TUT7: variants seen among roughly 807,000 people sequenced by gnomAD.
TUT7 encodes terminal uridylyltransferase 7.
In TUT7, 33 loss-of-function variants were observed where a neutral mutation model predicts 165.9. That is an observed-to-expected ratio of 0.20 (90% confidence interval 0.15 to 0.27). The LOEUF is 0.27. TUT7 is among the 10% of genes least tolerant of loss of function. The pLI is 1.00. For synonymous variants in TUT7, 552 were observed against 608.1 expected, an observed-to-expected ratio of 0.91 and a Z score of 1.36; for missense variants, 1,338 against 1,762.3, an observed-to-expected ratio of 0.76 and a Z score of 4.31.
At chr9:86,320,642 C>T (rs1829187774) in intron 14 of TUT7, among the ~76,000 whole-genome samples, 1 of 152,104 alleles carries the variant, frequency 6.6e-6, no homozygotes, top group Non-Finnish European at 1.5e-5. Flanking sequence ...TTATTAACTG[C>T]CATCTAGAAA....
intron 26 of TUT7, among the ~76,000 whole-genome samples, chr9:86,293,013 CAT>C: frequency 1.3e-5 from 2 of 152,162 alleles, no homozygotes; most frequent in Middle Eastern, 6.8e-3. Flanking sequence ...AGAAATAACA[CAT>C]GAATGAATTT....
Position 86,325,404 on chromosome 9 carries a change from T to A in TUT7, c.1719A>T (p.Ile573=). Residue 573 remains isoleucine, a synonymous_variant, in exon 12 of 27, where the codon ATA becomes ATT. Transcript: ENST00000375963. ...ATACCAATTCTTTGACACGAATACT[T>A]ATCACTAAATCAGCCAAATTAAATT... ...ALEFNLADLV[I]SIRVKELVSR... 1 of 1,614,092 alleles carries A rather than the reference T, an allele frequency of 6.2e-7. No individual in the cohort carries two copies. The highest frequency in any genetic ancestry group is 8.5e-7 in the Non-Finnish European group (1 of 1,179,998).
At chr9:86,346,160 T>C in intron 3 of TUT7, 139 bp downstream of exon 3, 2 of 735,944 alleles carry the variant, frequency 2.7e-6, no homozygotes, top group South Asian at 4.0e-5. Flanking sequence ...ACACTGGACA[T>C]CACTTTTAAC....
chr9:86,297,890 C>T (rs1826484420), intron 26 of TUT7, among the ~76,000 whole-genome samples: 1 of 150,614 alleles, frequency 6.6e-6, no homozygotes, highest in South Asian at 2.1e-4. Context: ...GACTTCACCT[C>T]TACCACTCAC....
intron 14 of TUT7, among the ~76,000 whole-genome samples, chr9:86,320,067 G>C (rs700763): frequency 6.6e-6 from 1 of 151,792 alleles, no homozygotes; most frequent in African/African-American, 2.4e-5. Flanking sequence ...CTCTTGAAAC[G>C]GAAAGTAATT....
At chr9:86,326,671 T>C (rs1829821769) in intron 11 of TUT7, among the ~76,000 whole-genome samples, 1 of 152,162 alleles carries the variant, frequency 6.6e-6, no homozygotes, top group Non-Finnish European at 1.5e-5. Flanking sequence ...CTAGTTCAAC[T>C]CCTGTATATT....
At chr9:86,300,738 T>C (rs1826806020) in intron 26 of TUT7, among the ~76,000 whole-genome samples, 1 of 152,242 alleles carries the variant, frequency 6.6e-6, no homozygotes. Context: ...TGCTCACTTG[T>C]AGAAAATCAA....
intron 9 of TUT7, among the ~76,000 whole-genome samples, chr9:86,338,473 G>A (rs948186306): frequency 1.3e-5 from 2 of 152,106 alleles, no homozygotes; most frequent in Admixed American, 6.5e-5. Context: ...CTCTGTGTAT[G>A]TTATTGGACA....
chr9:86,313,927 G>A (rs1207814933), intron 17 of TUT7, among the ~76,000 whole-genome samples: 1 of 152,210 alleles, frequency 6.6e-6, no homozygotes, highest in Non-Finnish European at 1.5e-5. Flanking sequence ...AAAAATCTGT[G>A]TGGCAGACAG....
In TUT7 at chr9:86,344,734, C is replaced by T. The variant is rs115210809; in HGVS notation, c.997+243G>A. 1,492 of 470,018 alleles carry T rather than the reference C, an allele frequency of 3.2e-3. 23 individuals are homozygous for T. Among genetic ancestry groups the T allele is most frequent in the African/African-American group, 0.028 (1,381 of 49,280 alleles). 29.1% of individuals were successfully genotyped at this position (470,018 alleles called of 1,614,324 possible). A position where few individuals can be genotyped will look rare whatever the true frequency, so the allele number is the denominator to read the frequency against. ...CCCACAGTGCCCCAATAATGCAGGGCATTCAACTTAAAGTTCACACACAGG... is the reference window on the plus strand; with the variant it reads ...CCCACAGTGCCCCAATAATGCAGGGTATTCAACTTAAAGTTCACACACAGG... On this transcript the variant is annotated intron_variant, in intron 5 of 26. Coordinates refer to ENST00000375963, the MANE Select transcript of TUT7 (RefSeq NM_024617.4).
In TUT7 at chr9:86,311,422, G is replaced by C. The variant is rs1007957387; in HGVS notation, c.3275-613C>G. Among the ~76,000 whole-genome samples, 1 of 151,850 alleles carries C rather than the reference G, an allele frequency of 6.6e-6. No homozygotes were observed. Among genetic ancestry groups the C allele is most frequent in the Admixed American group, 6.6e-5 (1 of 15,250 alleles). On this transcript the variant is annotated intron_variant, in intron 17 of 26. Coordinates refer to ENST00000375963, the MANE Select transcript of TUT7 (RefSeq NM_024617.4). This position sits in a 1 kb window ranked among gnomAD's most constrained non-coding sequence, Gnocchi z 4.4. ...AAAGTGTAGATGCCTGAAATAGAAT[G>C]GTACGTTCAGGGAAGTTCCAGAGAA...
intron 17 of TUT7, among the ~76,000 whole-genome samples, chr9:86,316,269 C>G (rs780525066): frequency 2.0e-5 from 3 of 152,176 alleles, no homozygotes; most frequent in Non-Finnish European, 4.4e-5. Flanking sequence ...TGTAAATACT[C>G]TAGAATAATT....
intron 5 of TUT7, among the ~76,000 whole-genome samples, chr9:86,344,593 T>C (rs1831594223): frequency 6.6e-6 from 1 of 151,956 alleles, no homozygotes; most frequent in Non-Finnish European, 1.5e-5. Flanking sequence ...AAAATCTTTT[T>C]TTTTTTTTTT....
chr9:86,296,663 A>G (rs758988997), intron 26 of TUT7, among the ~76,000 whole-genome samples: 2 of 152,208 alleles, frequency 1.3e-5, no homozygotes, highest in Non-Finnish European at 2.9e-5. Flanking sequence ...TATAGATGAC[A>G]TATCTGGAGC....
chr9:86,342,441 C>T (rs1414067235), intron 6 of TUT7, among the ~76,000 whole-genome samples: 2 of 152,090 alleles, frequency 1.3e-5, no homozygotes, highest in African/African-American at 4.8e-5. Context: ...CACTATGTTG[C>T]CCAGGCTGGA....
Position 86,309,948 on chromosome 9 carries a change from T to A in TUT7, c.3448A>T (p.Thr1150Ser). The stretch of plus-strand genomic sequence containing the variant: ...CTCACCTTTGTAAATACTTTCATGG[T>A]ATAGCACAAATACTTCACTCTGGGA... ...IDPRVKYLCY[T>S]MKVFTKMCDI... The change falls in exon 19 of 27, where the codon ACC becomes TCC. Residue 1150 changes from threonine (T) to serine (S), a missense_variant. Physicochemically the swap from Thr to Ser is moderately conservative, Grantham distance 58. Around this residue, in one of 7 missense-constraint regions of TUT7, gnomAD observed 157 missense variants for 357.5 expected, o/e 0.44. Coordinates refer to ENST00000375963, the MANE Select transcript of TUT7 (RefSeq NM_024617.4). 1 of 1,613,962 alleles carries A rather than the reference T, an allele frequency of 6.2e-7. No individual in the cohort carries two copies.
At chr9:86,303,256 A>G (rs1827120132) in intron 24 of TUT7, 55 bp from the exon 25 acceptor site, 2 of 795,926 alleles carry the variant, frequency 2.5e-6, no homozygotes, top group African/African-American at 3.5e-5. Flanking sequence ...ATCGGAACAC[A>G]AAACTAACCA....
chr9:86,321,321 C>T (rs1477569421), intron 14 of TUT7, among the ~76,000 whole-genome samples: 1 of 151,834 alleles, frequency 6.6e-6, no homozygotes, highest in Non-Finnish European at 1.5e-5. Flanking sequence ...CGCACCACTG[C>T]ACTCCAGCCT....
At chr9:86,324,109 G>C in intron 12 of TUT7, 149 bp from the exon 13 acceptor site, 1 of 726,324 alleles carries the variant, frequency 1.4e-6, no homozygotes, top group Non-Finnish European at 2.1e-6. Flanking sequence ...AAAAAACTGG[G>C]GGTGGGGAGT....
Sources: gnomAD v4.1 joint callset for allele counts (sites outside exome capture counted in the v4.1 genomes callset) on GRCh38, gnomAD v4.1.1 for gene constraint, gnomAD v4.1.1 regional missense constraint, Gnocchi (gnomAD v3.1) non-coding constraint, MANE v1.5 for transcripts, NCBI Gene and HGNC (gene_info 2026-07-23, HGNC 2026-07-21) for gene names.